The following RTN2 variants were observed in gnomAD, a reference collection of about 807,000 sequenced individuals.
RTN2 encodes reticulon 2.
In RTN2, 36 loss-of-function variants were observed where a neutral mutation model predicts 63.7. The observed-to-expected ratio is 0.56, with a 90% CI of 0.43 to 0.75. The LOEUF is 0.75. Among genes scored for constraint, RTN2 ranks in the 30% least tolerant of loss-of-function variants. The probability of loss-of-function intolerance (pLI) is 0.00; values close to 1 mark genes in which losing one functional copy is unlikely to be tolerated. For synonymous variants in RTN2, 312 were observed against 313.0 expected (o/e 1.00, Z 0.03); for missense variants, 673 against 705.1 (o/e 0.95, Z 0.52).
intron 9 of RTN2, 147 bp from the exon 10 acceptor site, chr19:45,486,260 T>C: frequency 1.5e-6 from 1 of 670,280 alleles, no homozygotes; most frequent in South Asian, 1.7e-5. Context: ...CTTCATAGAA[T>C]ACATTAGATG....
intron 5 of RTN2, among the ~76,000 whole-genome samples, chr19:45,489,988 G>A (rs1968119261): frequency 6.6e-6 from 1 of 151,510 alleles, no homozygotes; most frequent in Non-Finnish European, 1.5e-5. Flanking sequence ...CACACAGCCC[G>A]ATTTGCAATT....
Position 45,494,669 on chromosome 19 carries a change from T to A in RTN2, c.416A>T (p.Asp139Val). The change falls in exon 3 of 11, where the codon GAC (aspartate) becomes GTC (valine). Residue 139 changes from aspartate to valine, a missense_variant. Transcript: ENST00000245923. The surrounding 1 kb of genome is among the most constrained non-coding windows in gnomAD (Gnocchi z 5.3). ...CAGATGGTCCAACCGAAGCCTCAGG[T>A]CTTCCAGAGGGCGCTCGGATGGAGG... Reference protein sequence around the residue: ...TAPPSERPLEDLRLRLDHLGW... With the variant: ...TAPPSERPLEVLRLRLDHLGW... 6.2e-7 allele frequency: 1 copy of A among 1,613,766 alleles called. No individual in the cohort carries two copies.
At position 45,493,394 on chromosome 19, in the gene RTN2, AT is replaced by A; in HGVS notation, c.815-17del. ...ATAGCTGTTCCTGGAGGCGGAGCAT[AT>A]TTTAAAGTAAGGCTGGGTCATTTTA... On this transcript the variant is annotated splice_polypyrimidine_tract_variant and intron_variant, in intron 4 of 10. Coordinates refer to ENST00000245923, the MANE Select transcript of RTN2 (RefSeq NM_005619.5). The A allele has an allele frequency of 1.3e-6, 2 of 1,585,290 alleles. No homozygotes were observed. The highest frequency in any genetic ancestry group is 1.7e-6 in the Non-Finnish European group (2 of 1,159,252).
At chr19:45,491,715 A>G (rs1285315226) in intron 5 of RTN2, among the ~76,000 whole-genome samples, 1 of 151,870 alleles carries the variant, frequency 6.6e-6, no homozygotes, top group Non-Finnish European at 1.5e-5. Context: ...GTATTTTAGT[A>G]GAGACGGGGT....
chr19:45,494,567 G>T lies in RTN2; in HGVS notation c.518C>A (p.Pro173His), dbSNP rs1317122169. The change falls in exon 3 of 11, where the codon CCC (proline) becomes CAC (histidine). Residue 173 changes from proline (P) to histidine (H), a missense_variant. Physicochemically the swap from Pro to His is moderately conservative, Grantham distance 77 (BLOSUM62 -2). Transcript: ENST00000245923. The surrounding 1 kb of genome is among the most constrained non-coding windows in gnomAD (Gnocchi z 5.3). ...SSSTPLEDEE[P>H]QEPNRLETGE... Reference sequence around the variant, plus strand: ...TGTCTCCAATCTGTTGGGTTCTTGGGGTTCTTCGTCTTCCAGCGGGGTGGA... The same window carrying T: ...TGTCTCCAATCTGTTGGGTTCTTGGTGTTCTTCGTCTTCCAGCGGGGTGGA... 2.5e-6 allele frequency: 4 copies of T among 1,613,954 alleles called. No individual in the cohort carries two copies. In the African/African-American group the frequency reaches 5.3e-5, roughly 22 times the overall value.
chr19:45,490,020 ATTTTT>A (rs1968120081), intron 5 of RTN2, among the ~76,000 whole-genome samples: 1 of 151,394 alleles, frequency 6.6e-6, no homozygotes, highest in African/African-American at 2.4e-5. Context: ...ATTTTATTTT[ATTTTT>A]ATTTTTTTCT....
At position 45,486,099 on chromosome 19, in the gene RTN2, T is replaced by C. The variant is rs903167429; in HGVS notation, c.1512A>G (p.Gln504=). Residue 504 remains glutamine, a synonymous_variant, in exon 10 of 11, where the codon CAA becomes CAG. Coordinates refer to ENST00000245923, the MANE Select transcript of RTN2 (RefSeq NM_005619.5). ...ACTGATTGGTCACCAACCCCACATATTGGTCGATCTGAGCCTGGGGAGACC... is the reference window on the plus strand; with the variant it reads ...ACTGATTGGTCACCAACCCCACATACTGGTCGATCTGAGCCTGGGGAGACC... ...LYRQHQAQID[Q]YVGLVTNQLS... is the part of the protein sequence containing the mutation. 4.3e-6 allele frequency: 7 copies of C among 1,614,048 alleles called. No individual in the cohort carries two copies. The highest frequency in any genetic ancestry group is 3.3e-5 in the South Asian group (3 of 91,072).
chr19:45,490,236 G>C (rs1004326701), intron 5 of RTN2, among the ~76,000 whole-genome samples: 2 of 151,780 alleles, frequency 1.3e-5, no homozygotes, highest in African/African-American at 4.8e-5. Flanking sequence ...TCCTGACCTC[G>C]TGGTCCACCC....
chr19:45,493,891 T>C, intron 4 of RTN2: 1 of 426,742 alleles, frequency 2.3e-6, no homozygotes, highest in Non-Finnish European at 4.3e-6. Flanking sequence ...GGTTTCACCA[T>C]GTTGGCCAGG....
chr19:45,496,463 C>T, intron 1 of RTN2: 1 of 270,380 alleles, frequency 3.7e-6, no homozygotes, highest in Non-Finnish European at 7.0e-6. Flanking sequence ...AACCCCCTCC[C>T]CGCCAGCTGC....
chr19:45,489,345 C>T lies in RTN2; in HGVS notation c.1241+1G>A. On this transcript the variant is annotated splice_donor_variant, in intron 6 of 10. Transcript: ENST00000245923. LOFTEE classifies it high-confidence loss of function. ...TCAGGTCAGGGGCCGGGGGTTCTCA[C>T]TGGAAAGGGTTGGCTCCATCCCCCC... The T allele has an allele frequency of 6.4e-7, 1 of 1,559,156 alleles. No individual in the cohort carries two copies.
Position 45,496,809 on chromosome 19 carries a change from G to A in RTN2, c.17C>T (p.Pro6Leu). The A allele has an allele frequency of 2.0e-6, 3 of 1,521,614 alleles. No homozygotes were observed. The highest frequency in any genetic ancestry group is 2.7e-6 in the Non-Finnish European group (3 of 1,130,934). The allele number at this position is 1,521,614 out of a possible 1,614,324, so 94.3% of individuals were successfully genotyped here. Residue 6 changes from proline to leucine, a missense_variant, in exon 1 of 11, where the codon CCG becomes CTG. Transcript: ENST00000245923. MGQVL[P>L]VFAHCKEAPS... Reference sequence around the variant, plus strand: ...CTACTCACTGCAGTGGGCGAAGACCGGCAGGACCTGCCCCATGGCCCCCCT... The same window carrying A: ...CTACTCACTGCAGTGGGCGAAGACCAGCAGGACCTGCCCCATGGCCCCCCT...
In RTN2 at chr19:45,494,627, C is replaced by T. The variant is rs1441637997; in HGVS notation, c.458G>A (p.Gly153Glu). Residue 153 changes from glycine (G) to glutamate (E), a missense_variant, in exon 3 of 11, where the codon GGA (glycine) becomes GAA (glutamate). By Grantham distance (98) the Gly-to-Glu change is moderately conservative (BLOSUM62 -2). Transcript: ENST00000245923. This position sits in a 1 kb window ranked among gnomAD's most constrained non-coding sequence, Gnocchi z 5.3. ...GGAAGAGTCCTCCCCGGATCCCGTT[C>T]CCCGGGCCACCCAGCCCAGATGGTC... ...RLDHLGWVARGTGSGEDSSTS... is the reference protein window; with the variant it reads ...RLDHLGWVARETGSGEDSSTS... 6.2e-7 allele frequency: 1 copy of T among 1,613,766 alleles called. No homozygotes were observed. Among genetic ancestry groups the T allele is most frequent in the Non-Finnish European group, 8.5e-7 (1 of 1,180,034 alleles).
intron 1 of RTN2, among the ~76,000 whole-genome samples, chr19:45,495,968 G>C (rs745733642): frequency 6.6e-6 from 1 of 152,210 alleles, no homozygotes; most frequent in Non-Finnish European, 1.5e-5. Context: ...CTGGACACGC[G>C]AGACATGGAA....
intron 5 of RTN2, among the ~76,000 whole-genome samples, chr19:45,492,501 G>A (rs1022977793): frequency 6.6e-6 from 1 of 152,138 alleles, no homozygotes; most frequent in African/African-American, 2.4e-5. Flanking sequence ...TCCCACCACT[G>A]CACTCCAGAA....
At chr19:45,490,571 T>G (rs1317174943) in intron 5 of RTN2, among the ~76,000 whole-genome samples, 3 of 87,280 alleles carry the variant, frequency 3.4e-5, no homozygotes, top group Admixed American at 1.2e-4. Flanking sequence ...GTGTGTGTGT[T>G]TTGTTTTTGT....
In RTN2 at chr19:45,494,680, G is replaced by A. The variant is rs1280476181; in HGVS notation, c.405C>T (p.Arg135=). The A allele has an allele frequency of 6.2e-7, 1 of 1,613,640 alleles. No homozygotes were observed. Among genetic ancestry groups the A allele is most frequent in the East Asian group, 2.2e-5 (1 of 44,892 alleles). ...ACCGAAGCCTCAGGTCTTCCAGAGG[G>A]CGCTCGGATGGAGGCGCGGTGTCAG... The part of the protein sequence containing the change: ...GDPDTAPPSE[R]PLEDLRLRLD... Residue 135 remains arginine, a synonymous_variant, in exon 3 of 11, where the codon CGC becomes CGT. Transcript: ENST00000245923. This position sits in a 1 kb window ranked among gnomAD's most constrained non-coding sequence, Gnocchi z 5.3.
chr19:45,494,357 C>T lies in RTN2; in HGVS notation c.623G>A (p.Ser208Asn). The change falls in exon 4 of 11, where the codon AGT becomes AAT. Residue 208 changes from serine (S) to asparagine (N), a missense_variant. By Grantham distance (46) the Ser-to-Asn change is conservative (BLOSUM62 1). Coordinates refer to ENST00000245923, the MANE Select transcript of RTN2 (RefSeq NM_005619.5). The surrounding 1 kb of genome is among the most constrained non-coding windows in gnomAD (Gnocchi z 5.3). ...SSPEVLTPQL[S>N]PGSGTPQAGT... The stretch of plus-strand genomic sequence containing the variant: ...GGCCTGGGGTGTCCCAGAGCCCGGA[C>T]TGAGCTGGGGAGTCAAGACCTCGGG... The T allele has an allele frequency of 6.2e-7, 1 of 1,614,110 alleles. No individual in the cohort carries two copies. Among genetic ancestry groups the T allele is most frequent in the Non-Finnish European group, 8.5e-7 (1 of 1,180,026 alleles).
Position 45,493,411 on chromosome 19 carries a change from G to A in RTN2, c.815-33C>T, listed in dbSNP as rs1270548723. The A allele has an allele frequency of 3.3e-6, 5 of 1,532,172 alleles. No individual in the cohort carries two copies. The Admixed American group carries it at 9.0e-5, about 28-fold the overall frequency. The allele number at this position is 1,532,172 out of a possible 1,614,324, so 94.9% of individuals were successfully genotyped here. ...CGGAGCATATTTTAAAGTAAGGCTG[G>A]GTCATTTTACAACTGGCCAATAGAT... On this transcript the variant is annotated intron_variant, in intron 4 of 10. Transcript: ENST00000245923.
Sources: allele counts gnomAD v4.1 joint callset (sites outside exome capture counted in the v4.1 genomes callset), GRCh38; gene constraint gnomAD v4.1.1; non-coding constraint Gnocchi (gnomAD v3.1); transcripts MANE v1.5; gene names NCBI Gene and HGNC (gene_info 2026-07-23, HGNC 2026-07-21).